Variants in ZNF347 observed in about 807,000 individuals in gnomAD.
ZNF347 encodes zinc finger protein 347, also known as CTD-2620I22.7.
Under a neutral mutation model 12.9 loss-of-function variants are expected in ZNF347, and 19 were observed. The observed-to-expected ratio is 1.47, with a 90% CI of 1.03 to 2.16. ZNF347 has a LOEUF of 2.16. Among genes scored for constraint, ZNF347 ranks in the 30% most tolerant of loss-of-function variants. ZNF347 has a pLI of 0.00. For synonymous variants in ZNF347, 328 were observed against 340.6 expected, an observed-to-expected ratio of 0.96 and a Z score of 0.41; for missense variants, 1,005 against 990.6, an observed-to-expected ratio of 1.01 and a Z score of -0.19.
chr19:53,154,211 G>T (rs1568644293), intron 1 of ZNF347, among the ~76,000 whole-genome samples: 1 of 152,044 alleles, frequency 6.6e-6, no homozygotes, highest in Non-Finnish European at 1.5e-5. Flanking sequence ...GGCTGAACGT[G>T]GTGGCTCACA....
chr19:53,143,601 C>A (rs1274817374), intron 4 of ZNF347, among the ~76,000 whole-genome samples: 1 of 151,782 alleles, frequency 6.6e-6, no homozygotes, highest in African/African-American at 2.4e-5. Context: ...TGTATATGTG[C>A]CACGTTTTCT....
In ZNF347 at chr19:53,134,987, T is replaced by C. The variant is rs1223871432; in HGVS notation, c.*5321A>G. 2 of 152,224 alleles carry C rather than the reference T, an allele frequency of 1.3e-5. No homozygotes were observed. Among genetic ancestry groups the C allele is most frequent in the East Asian group, 1.9e-4 (1 of 5,170 alleles). The allele number at this position is 152,224 out of a possible 1,614,324, so 9.4% of individuals were successfully genotyped here. On this transcript the variant is annotated 3_prime_UTR_variant, in exon 5 of 5. Coordinates refer to ENST00000334197, the MANE Select transcript of ZNF347 (RefSeq NM_032584.3). ...CAAAGTTACCACAATCACAATGATA[T>C]ATGAAGATAAACCATTTAAAAATTA...
chr19:53,158,021 TTCTC>T (rs1169026118), intron 1 of ZNF347, among the ~76,000 whole-genome samples: 4 of 152,318 alleles, frequency 2.6e-5, no homozygotes, highest in South Asian at 2.1e-4. Context: ...GTTTTTCTAC[TTCTC>T]TCTCTGTCTC....
In ZNF347 at chr19:53,140,957, G is replaced by A. The variant is rs777937818; in HGVS notation, c.1871C>T (p.Pro624Leu). The part of the protein sequence containing the change: ...RHQRIHTGEK[P>L]YKYNEYGKAF... ...TTTGCCATACTCATTATACTTGTAA[G>A]GTTTCTCTCCAGTATGAATTCGCTG... Residue 624 changes from proline to leucine, a missense_variant, in exon 5 of 5, where the codon CCT (proline) becomes CTT (leucine). By Grantham distance (98) the Pro-to-Leu change is moderately conservative (BLOSUM62 -3). Transcript: ENST00000334197. 3 of 1,613,920 alleles carry A rather than the reference G, an allele frequency of 1.9e-6. No individual in the cohort carries two copies. In the Admixed American group the frequency reaches 5.0e-5, roughly 27 times the overall value.
chr19:53,140,345 G>C lies in ZNF347; in HGVS notation c.2483C>G (p.Ser828Ter). Residue 828 changes from serine (S) to a stop codon, truncating the protein, a stop_gained, in exon 5 of 5, where the codon TCA becomes TGA. Transcript: ENST00000334197. LOFTEE classifies it low-confidence loss of function (END_TRUNC). ...TGATGGCTTGCAAGGTTTGAACTCT[G>C]ACTTTAGAACTTTCCACACGTTACA... ...YKCNVWKVLKSEFKPCKPSQN... is the reference protein window; with the variant it reads ...YKCNVWKVLK The C allele has an allele frequency of 3.8e-6, 6 of 1,574,270 alleles. No homozygotes were observed. Among genetic ancestry groups the C allele is most frequent in the Non-Finnish European group, 5.2e-6 (6 of 1,163,686 alleles).
chr19:53,147,431 G>A (rs2090470344), intron 4 of ZNF347, among the ~76,000 whole-genome samples: 1 of 151,942 alleles, frequency 6.6e-6, no homozygotes, highest in Admixed American at 6.6e-5. Flanking sequence ...GGTAGTGTGT[G>A]CCTGTAACCC....
At chr19:53,147,092 T>C (rs1404744471) in intron 4 of ZNF347, among the ~76,000 whole-genome samples, 1 of 151,822 alleles carries the variant, frequency 6.6e-6, no homozygotes, top group African/African-American at 2.4e-5. Flanking sequence ...AAAAAGGATT[T>C]GGCCAGGCAC....
intron 4 of ZNF347, among the ~76,000 whole-genome samples, chr19:53,143,842 C>G (rs1230428767): frequency 6.6e-6 from 1 of 152,098 alleles, no homozygotes; most frequent in Non-Finnish European, 1.5e-5. Context: ...ACAGTCCCAC[C>G]AACAGTGTAA....
intron 1 of ZNF347, among the ~76,000 whole-genome samples, chr19:53,157,869 C>T (rs1381199346): frequency 6.6e-6 from 1 of 152,228 alleles, no homozygotes; most frequent in East Asian, 1.9e-4. Flanking sequence ...CTTCATGTCT[C>T]TGGACATCGA....
At chr19:53,153,815 T>G in intron 1 of ZNF347, 22 bp from the exon 2 acceptor site, 1 of 1,596,484 alleles carries the variant, frequency 6.3e-7, no homozygotes. Context: ...GGAAAGTGCC[T>G]TTAGAAGTCA....
chr19:53,136,046 G>A lies in ZNF347; in HGVS notation c.*4262C>T, dbSNP rs769005833. 6.6e-6 allele frequency: 1 copy of A among 151,814 alleles called. No individual in the cohort carries two copies. Among genetic ancestry groups the A allele is most frequent in the Non-Finnish European group, 1.5e-5 (1 of 68,006 alleles). The allele number at this position is 151,814 out of a possible 1,614,324, so 9.4% of individuals were successfully genotyped here. On this transcript the variant is annotated 3_prime_UTR_variant, in exon 5 of 5. Transcript: ENST00000334197. ...GAGAAATTATCTCCTTTGCATAAAT[G>A]ATAATTAATATCTTGGGGACTCTCT...
chr19:53,153,787 G>T lies in ZNF347; in HGVS notation c.-40C>A, dbSNP rs1464635775. 6.2e-7 allele frequency: 1 copy of T among 1,613,834 alleles called. No homozygotes were observed. Among genetic ancestry groups the T allele is most frequent in the East Asian group, 2.2e-5 (1 of 44,872 alleles). On this transcript the variant is annotated 5_prime_UTR_variant, in exon 2 of 5. Transcript: ENST00000334197. ...TCTTTCCTCTTCCTCTTCTTCAAGG[G>T]TTCTTCCTTAGGTAACAGGAAAGTG...
Position 53,137,925 on chromosome 19 carries a change from A to C in ZNF347, c.*2383T>G, listed in dbSNP as rs2146793871. ...GTGATTCTCCTGCCTCAGCCTCCCG[A>C]GTAGCTGGGATTACAGGCGCATGCC... On this transcript the variant is annotated 3_prime_UTR_variant, in exon 5 of 5. Transcript: ENST00000334197. 6.6e-6 allele frequency: 1 copy of C among 151,372 alleles called. No individual in the cohort carries two copies. Among genetic ancestry groups the C allele is most frequent in the South Asian group, 2.1e-4 (1 of 4,800 alleles). The allele number at this position is 151,372 out of a possible 1,614,324, so 9.4% of individuals were successfully genotyped here. A position where few individuals can be genotyped will look rare whatever the true frequency, so the allele number is the denominator to read the frequency against.
intron 1 of ZNF347, among the ~76,000 whole-genome samples, chr19:53,157,322 G>A (rs2090542145): frequency 2.0e-5 from 3 of 151,986 alleles, no homozygotes; most frequent in South Asian, 2.1e-4. Context: ...TCTAATCAAC[G>A]CACCACTCAC....
rs138483279 is a variant in ZNF347 at position 53,153,933 on chromosome 19, G to A, written c.-46-140C>T. ...GAAGACCTCACCCTGTGGAAAGATG[G>A]TCTCAGCTGCCCACTGCACCAGGGC... On this transcript the variant is annotated intron_variant, in intron 1 of 4. Coordinates refer to ENST00000334197, the MANE Select transcript of ZNF347 (RefSeq NM_032584.3). 2,742 of 634,790 alleles carry A rather than the reference G, an allele frequency of 4.3e-3. 10 individuals are homozygous for A. Among genetic ancestry groups the A allele is most frequent in the Non-Finnish European group, 5.4e-3 (1,953 of 360,770 alleles). 39.3% of individuals were successfully genotyped at this position (634,790 alleles called of 1,614,324 possible).
chr19:53,153,642 G>C, intron 2 of ZNF347, 91 bp downstream of exon 2: 1 of 1,528,220 alleles, frequency 6.5e-7, no homozygotes, highest in African/African-American at 1.4e-5. Flanking sequence ...CAGGCAGGAC[G>C]CTTCAGACTC....
rs1353866220 is a variant in ZNF347 at position 53,141,016 on chromosome 19, C to T, written c.1812G>A (p.Lys604=). 1 of 1,611,924 alleles carries T rather than the reference C, an allele frequency of 6.2e-7. No individual in the cohort carries two copies. Among genetic ancestry groups the T allele is most frequent in the Non-Finnish European group, 8.5e-7 (1 of 1,179,596 alleles). ...EKPYKCNECG[K]VFRHNSYLSR... ...AAAGGTATGAATTATGCCTAAAGAC[C>T]TTGCCACATTCATTACATTTATAAG... is the stretch of plus-strand genomic sequence containing the variant. Residue 604 remains lysine (K), a synonymous_variant, in exon 5 of 5, where the codon AAG becomes AAA. Transcript: ENST00000334197.
chr19:53,156,785 T>C (rs2090538708), intron 1 of ZNF347, among the ~76,000 whole-genome samples: 1 of 152,156 alleles, frequency 6.6e-6, no homozygotes, highest in African/African-American at 2.4e-5. Flanking sequence ...GACTTACAAC[T>C]GGCACCTGAT....
Position 53,148,708 on chromosome 19 carries a change from A to C in ZNF347, c.244T>G (p.Trp82Gly). 6.2e-7 allele frequency: 1 copy of C among 1,613,930 alleles called. No homozygotes were observed. The highest frequency in any genetic ancestry group is 8.5e-7 in the Non-Finnish European group (1 of 1,179,906). Residue 82 changes from tryptophan (W) to glycine (G), a missense_variant, in exon 4 of 5, where the codon TGG (tryptophan) becomes GGG (glycine). Coordinates refer to ENST00000334197, the MANE Select transcript of ZNF347 (RefSeq NM_032584.3). Reference protein sequence around the residue: ...QVQIAGNPDGWEWIKAVITAL... With the variant: ...QVQIAGNPDGGEWIKAVITAL... Reference sequence around the variant, plus strand: ...GTGATCACAGCTTTGATCCATTCCCATCCATCTGGGTTTCCTGCTATTTGT... The same window carrying C: ...GTGATCACAGCTTTGATCCATTCCCCTCCATCTGGGTTTCCTGCTATTTGT...
Sources: gnomAD v4.1 joint callset for allele counts (sites outside exome capture counted in the v4.1 genomes callset) on GRCh38, gnomAD v4.1.1 for gene constraint, MANE v1.5 for transcripts, NCBI Gene and HGNC (gene_info 2026-07-23, HGNC 2026-07-21) for gene names.